NHSL1: variants seen among roughly 807,000 people sequenced by gnomAD.
The protein encoded by NHSL1 is NHS-like protein 1.
In NHSL1, 48 loss-of-function variants were observed where a neutral mutation model predicts 95.0. The observed-to-expected ratio is 0.51, with a 90% CI of 0.40 to 0.64. NHSL1 has a LOEUF of 0.64. Among genes scored for constraint, NHSL1 ranks in the 30% least tolerant of loss-of-function variants. The pLI is 0.00. For missense variants in NHSL1, 1,971 were observed against 2,077.7 expected (o/e 0.95, Z 1.00); for synonymous variants, 783 against 833.9 (o/e 0.94, Z 1.05).
rs1310294724 is a variant in NHSL1, at chr6:138,692,059, C to T, written c.96+417G>A. On this transcript the variant is annotated intron_variant, in intron 1 of 3. Transcript: ENST00000491526. This position sits in a 1 kb window ranked among gnomAD's most constrained non-coding sequence, Gnocchi z 4.0. ...ACGGATCGTCCTGAAGTCTCCAAAA[C>T]TGTAACTACTATATGCCCAAATTTA... 4 of 456,606 alleles carry T rather than the reference C, an allele frequency of 8.8e-6. No individual in the cohort carries two copies. The highest frequency in any genetic ancestry group is 6.9e-5 in the East Asian group (1 of 14,408). 28.3% of individuals were successfully genotyped at this position (456,606 alleles called of 1,614,324 possible).
At chr6:138,622,756 T>G (rs1311281270) in intron 1 of NHSL1, among the ~76,000 whole-genome samples, 2 of 152,202 alleles carry the variant, frequency 1.3e-5, no homozygotes, top group African/African-American at 4.8e-5. Context: ...AAACATCTAT[T>G]GATTACTCAC....
chr6:138,521,097 G>T (rs1462295881), intron 1 of NHSL1, among the ~76,000 whole-genome samples: 2 of 152,154 alleles, frequency 1.3e-5, no homozygotes, highest in Non-Finnish European at 2.9e-5. Flanking sequence ...CACCTATCAG[G>T]TGTGATTGTC....
At chr6:138,460,156 C>A (rs1337723827) in intron 3 of NHSL1, among the ~76,000 whole-genome samples, 2 of 152,110 alleles carry the variant, frequency 1.3e-5, no homozygotes, top group African/African-American at 4.8e-5. Context: ...TAGAAGACCG[C>A]CCCCACCCAA....
At chr6:138,668,451 A>T (rs1334865064) in intron 1 of NHSL1, among the ~76,000 whole-genome samples, 2 of 152,156 alleles carry the variant, frequency 1.3e-5, no homozygotes, top group Non-Finnish European at 2.9e-5. Context: ...CTCAAAAAAA[A>T]GAAAAGAAAT....
chr6:138,574,489 T>C (rs1439292932), upstream of NHSL1, among the ~76,000 whole-genome samples: 1 of 151,996 alleles, frequency 6.6e-6, no homozygotes, highest in Non-Finnish European at 1.5e-5. Flanking sequence ...ATGAACACAA[T>C]TCTCTTCTCC....
intron 1 of NHSL1, chr6:138,650,094 G>C: frequency 1.9e-6 from 1 of 514,134 alleles, no homozygotes. Flanking sequence ...TATGGAAACT[G>C]AAGCCCGGCT....
chr6:138,681,441 A>T (rs563863591), intron 1 of NHSL1, among the ~76,000 whole-genome samples: 1 of 152,238 alleles, frequency 6.6e-6, no homozygotes, highest in East Asian at 1.9e-4. Context: ...CTGCATCATG[A>T]TTTTTCCACT....
At chr6:138,592,183 A>T (rs2114527818) in intron 1 of NHSL1, among the ~76,000 whole-genome samples, 1 of 152,330 alleles carries the variant, frequency 6.6e-6, no homozygotes, top group African/African-American at 2.4e-5. Flanking sequence ...ACTTTTCAAG[A>T]TTGCACAGGT....
Position 138,499,270 on chromosome 6 carries a change from T to A in NHSL1, c.21A>T (p.Ala7=), listed in dbSNP as rs1447398321. Residue 7 remains alanine, a synonymous_variant, in exon 1 of 8, where the codon GCA becomes GCT. Coordinates refer to ENST00000343505, the MANE Select transcript of NHSL1 (RefSeq NM_001144060.2). ...AAAGTTTAATTAAAGACTTAATCTT[T>A]GCATTAATGAAGACCACCATTTCCA... MVVFIN[A]KIKSLIKLFK... 6.4e-7 allele frequency: 1 copy of A among 1,550,656 alleles called. No homozygotes were observed. Among genetic ancestry groups the A allele is most frequent in the Non-Finnish European group, 8.7e-7 (1 of 1,146,320 alleles).
At chr6:138,664,452 C>T (rs1785268737) in intron 1 of NHSL1, among the ~76,000 whole-genome samples, 1 of 152,148 alleles carries the variant, frequency 6.6e-6, no homozygotes, top group Admixed American at 6.6e-5. Flanking sequence ...AAGAGAGGTA[C>T]ACACAGAGCA....
chr6:138,600,659 C>A (rs938150055), intron 1 of NHSL1, among the ~76,000 whole-genome samples: 4 of 152,068 alleles, frequency 2.6e-5, no homozygotes, highest in African/African-American at 9.7e-5. Context: ...ATATTAATAC[C>A]TTTTAAATTC....
chr6:138,480,642 G>A (rs925164513), intron 2 of NHSL1, among the ~76,000 whole-genome samples: 3 of 152,174 alleles, frequency 2.0e-5, no homozygotes, highest in Non-Finnish European at 2.9e-5. Context: ...ACTGAATGTG[G>A]TTTATTTTTA....
chr6:138,691,079 T>C (rs958095284), intron 1 of NHSL1, among the ~76,000 whole-genome samples: 2 of 152,218 alleles, frequency 1.3e-5, no homozygotes, highest in East Asian at 1.9e-4. Context: ...AGAAAACGCA[T>C]AGAAGCAACT....
upstream of NHSL1, among the ~76,000 whole-genome samples, chr6:138,502,298 G>A (rs902445630): frequency 2.0e-5 from 3 of 152,166 alleles, no homozygotes; most frequent in African/African-American, 4.8e-5. Flanking sequence ...TCCTTGATAT[G>A]AGCATGAGCA....
chr6:138,653,913 T>C (rs1037036119), intron 1 of NHSL1, among the ~76,000 whole-genome samples: 1 of 152,224 alleles, frequency 6.6e-6, no homozygotes, highest in Non-Finnish European at 1.5e-5. Flanking sequence ...TCATTGTCCC[T>C]AATTTGATTT....
intron 3 of NHSL1, among the ~76,000 whole-genome samples, chr6:138,453,187 C>T (rs1019259615): frequency 6.6e-6 from 1 of 151,962 alleles, no homozygotes; most frequent in East Asian, 1.9e-4. Context: ...ATTGGCCAGG[C>T]TGGTCTCAAA....
At chr6:138,552,417 C>T (rs949974561) in intron 1 of NHSL1, among the ~76,000 whole-genome samples, 1 of 152,024 alleles carries the variant, frequency 6.6e-6, no homozygotes, top group East Asian at 1.9e-4. Flanking sequence ...GAGGCTCCAT[C>T]CCCCAGGAGA....
chr6:138,632,150 G>C (rs1784827729), intron 1 of NHSL1, among the ~76,000 whole-genome samples: 1 of 152,232 alleles, frequency 6.6e-6, no homozygotes, highest in Non-Finnish European at 1.5e-5. Flanking sequence ...GGAAAGGGGA[G>C]GGAAAAGTGG....
chr6:138,680,367 G>C (rs527990029), intron 1 of NHSL1, among the ~76,000 whole-genome samples: 2 of 152,242 alleles, frequency 1.3e-5, no homozygotes, highest in African/African-American at 4.8e-5. Context: ...CCAACCCAGT[G>C]AAATCAAATA....
Sources: gnomAD v4.1 joint callset for allele counts (sites outside exome capture counted in the v4.1 genomes callset) on GRCh38, gnomAD v4.1.1 for gene constraint, Gnocchi (gnomAD v3.1) non-coding constraint, MANE v1.5 for transcripts, NCBI Gene and HGNC (gene_info 2026-07-23, HGNC 2026-07-21) for gene names.